The following NFIB variants were observed in gnomAD, a reference collection of about 807,000 sequenced individuals.
The protein encoded by NFIB is nuclear factor 1 B-type.
Under a neutral mutation model 61.5 loss-of-function variants are expected in NFIB, and 11 were observed. That is an observed-to-expected ratio of 0.18 (90% confidence interval 0.11 to 0.30). NFIB has a LOEUF of 0.30. NFIB is among the 10% of genes least tolerant of loss of function. NFIB has a pLI of 1.00. For missense variants in NFIB, 471 were observed against 608.9 expected (o/e 0.77, Z 2.38); for synonymous variants, 260 against 216.5 (o/e 1.20, Z -1.76).
At chr9:14,360,481 A>T (rs887204845) in intron 1 of NFIB, among the ~76,000 whole-genome samples, 5 of 152,198 alleles carry the variant, frequency 3.3e-5, no homozygotes, top group African/African-American at 1.2e-4. Flanking sequence ...AATTATAACA[A>T]AAAGTATTTT....
At chr9:14,474,458 GA>G in the NFIB span, among the ~76,000 whole-genome samples, 3 of 152,096 alleles carry the variant, frequency 2.0e-5, no homozygotes, top group African/African-American at 4.8e-5. Flanking sequence ...ACGAATTTTG[GA>G]GGAACAAAAA....
At chr9:14,441,423 T>C in the NFIB span, among the ~76,000 whole-genome samples, 1 of 152,186 alleles carries the variant, frequency 6.6e-6, no homozygotes, top group African/African-American at 2.4e-5. Flanking sequence ...ATTATTTGTG[T>C]AGTGAAGTCC....
In NFIB at chr9:14,088,194, C is replaced by G. The variant is rs750275019; in HGVS notation, c.*115G>C. The G allele has an allele frequency of 1.3e-6, 2 of 1,505,656 alleles. No individual in the cohort carries two copies. Among genetic ancestry groups the G allele is most frequent in the East Asian group, 5.0e-5 (2 of 39,930 alleles). The allele number at this position is 1,505,656 out of a possible 1,614,324, so 93.3% of individuals were successfully genotyped here. On this transcript the variant is annotated 3_prime_UTR_variant, in exon 11 of 11. Coordinates refer to ENST00000380953, the MANE Select transcript of NFIB (RefSeq NM_001190737.2). ...TTAAACTATTGTTGTGTTTCTTTTT[C>G]CCTCAGTTGCTTGTTTCTGCTTGAA...
chr9:14,245,227 T>C (rs1303657826), intron 2 of NFIB, among the ~76,000 whole-genome samples: 1 of 152,174 alleles, frequency 6.6e-6, no homozygotes, highest in Non-Finnish European at 1.5e-5. Context: ...AACTAACATT[T>C]ACCCAGGTGA....
intron 2 of NFIB, among the ~76,000 whole-genome samples, chr9:14,221,947 A>G (rs1014496773): frequency 2.0e-5 from 3 of 152,220 alleles, no homozygotes; most frequent in African/African-American, 7.2e-5. Flanking sequence ...GCCCTGTTTA[A>G]GAGAAAGCAT....
At chr9:14,416,025 G>C in the NFIB span, among the ~76,000 whole-genome samples, 43 of 152,286 alleles carry the variant, frequency 2.8e-4, no homozygotes, top group East Asian at 4.0e-3. Flanking sequence ...AGAAGAACCA[G>C]GGAGAAATGG....
intron 3 of NFIB, among the ~76,000 whole-genome samples, chr9:14,178,159 G>A (rs187422645): frequency 2.0e-5 from 3 of 152,104 alleles, no homozygotes; most frequent in African/African-American, 4.8e-5. Flanking sequence ...GATGAGTAAG[G>A]AGACTTTTAA....
At chr9:14,212,011 A>G (rs1430708442) in intron 2 of NFIB, among the ~76,000 whole-genome samples, 1 of 152,240 alleles carries the variant, frequency 6.6e-6, no homozygotes. Context: ...ATGAAATGGA[A>G]TATGGCCTTA....
chr9:14,417,491 A>T, the NFIB span, among the ~76,000 whole-genome samples: 1 of 152,208 alleles, frequency 6.6e-6, no homozygotes, highest in Non-Finnish European at 1.5e-5. Context: ...TTTAAAAAAT[A>T]AACTGGACAC....
chr9:14,197,371 TGTA>T (rs2131600732), intron 2 of NFIB, among the ~76,000 whole-genome samples: 1 of 2,918 alleles, frequency 3.4e-4, no homozygotes, highest in Non-Finnish European at 7.4e-4. Flanking sequence ...CCTAACACAC[TGTA>T]CTGTGATCTC....
At chr9:14,335,749 C>A (rs2060879619) in intron 1 of NFIB, among the ~76,000 whole-genome samples, 1 of 152,134 alleles carries the variant, frequency 6.6e-6, no homozygotes, top group Admixed American at 6.6e-5. Context: ...TTTGCTTAAT[C>A]CAACATCATG....
chr9:14,466,464 C>T, the NFIB span, among the ~76,000 whole-genome samples: 3 of 152,080 alleles, frequency 2.0e-5, no homozygotes, highest in African/African-American at 4.8e-5. Flanking sequence ...CTGGGCTCTG[C>T]GTTTGACATT....
chr9:14,465,668 G>T, the NFIB span, among the ~76,000 whole-genome samples: 2 of 151,878 alleles, frequency 1.3e-5, no homozygotes, highest in Non-Finnish European at 2.9e-5. Context: ...CACCACTCGA[G>T]GGAGCCCAAG....
chr9:14,220,532 C>T (rs183786407), intron 2 of NFIB, among the ~76,000 whole-genome samples: 231 of 152,272 alleles, frequency 1.5e-3, no homozygotes, highest in African/African-American at 5.0e-3. Flanking sequence ...AACCAGGAGC[C>T]CCGCCTGGGA....
rs201616271 is a variant in NFIB at position 14,311,546 on chromosome 9, GTTA to G, written c.30+1933_30+1935del. 7.2e-3 allele frequency among the ~76,000 whole-genome samples: 998 copies of G among 138,846 alleles called. 7 individuals are homozygous for G. Among genetic ancestry groups the G allele is most frequent in the African/African-American group, 0.023 (929 of 41,008 alleles). 91.1% of individuals were successfully genotyped at this position (138,846 alleles called of 152,430 possible). A position where few individuals can be genotyped will look rare whatever the true frequency, so the allele number is the denominator to read the frequency against. ...TAGTAGAGAATATTAGTCATCACAA[GTTA>G]TTGTTGTTAAGTGTGTATCTCTGAA... On this transcript the variant is annotated intron_variant, in intron 1 of 10. Transcript: ENST00000380953.
At chr9:14,159,688 C>T (rs963575900) in intron 3 of NFIB, among the ~76,000 whole-genome samples, 1 of 152,164 alleles carries the variant, frequency 6.6e-6, no homozygotes, top group African/African-American at 2.4e-5. Context: ...ACTTGGATAC[C>T]TACTAGTGCT....
At chr9:14,185,396 T>C (rs974711854) in intron 2 of NFIB, among the ~76,000 whole-genome samples, 4 of 152,218 alleles carry the variant, frequency 2.6e-5, no homozygotes, top group African/African-American at 9.6e-5. Flanking sequence ...ATGCCATTCA[T>C]GGCACCTTGA....
intron 2 of NFIB, among the ~76,000 whole-genome samples, chr9:14,241,102 G>A (rs530949529): frequency 2.6e-4 from 39 of 152,288 alleles, no homozygotes; most frequent in Admixed American, 2.2e-3. Context: ...CTCAGGCACC[G>A]AATACCTTTT....
intron 2 of NFIB, among the ~76,000 whole-genome samples, chr9:14,239,636 A>T (rs1298100691): frequency 1.3e-5 from 2 of 152,202 alleles, no homozygotes; most frequent in African/African-American, 4.8e-5. Flanking sequence ...TATAAATCCA[A>T]ATATGAGCCA....
Sources: allele counts gnomAD v4.1 joint callset (sites outside exome capture counted in the v4.1 genomes callset), GRCh38; gene constraint gnomAD v4.1.1; transcripts MANE v1.5; gene names NCBI Gene and HGNC (gene_info 2026-07-23, HGNC 2026-07-21).